The following JAM2 variants were observed in gnomAD, a reference collection of about 807,000 sequenced individuals.
JAM2 encodes the protein junctional adhesion molecule B.
A neutral mutation model predicts 42.0 loss-of-function variants in JAM2; 17 were observed. The ratio of observed to expected loss-of-function variants is 0.40; its 90% CI spans 0.28 to 0.61. The LOEUF is 0.61. JAM2 is among the 20% of genes least tolerant of loss of function. The pLI is 0.37. For missense variants in JAM2, 319 were observed against 358.3 expected (o/e 0.89, Z 0.89); for synonymous variants, 118 against 128.6 (o/e 0.92, Z 0.56).
intron 1 of JAM2, among the ~76,000 whole-genome samples, chr21:25,648,864 G>A (rs1358040067): frequency 1.3e-5 from 2 of 152,138 alleles, no homozygotes; most frequent in Non-Finnish European, 2.9e-5. Context: ...AATTACATAA[G>A]CTGGAATTTA....
At chr21:25,665,720 G>A (rs2033200811) in intron 1 of JAM2, among the ~76,000 whole-genome samples, 1 of 152,192 alleles carries the variant, frequency 6.6e-6, no homozygotes, top group Middle Eastern at 3.4e-3. Flanking sequence ...CCAACATTAC[G>A]GAGGGCAACA....
At chr21:25,675,775 C>T (rs1029508636) in intron 1 of JAM2, among the ~76,000 whole-genome samples, 1 of 152,116 alleles carries the variant, frequency 6.6e-6, no homozygotes, top group African/African-American at 2.4e-5. Context: ...CATCACCCCC[C>T]ACCAGCCCGA....
At chr21:25,703,072 G>A (rs192929025) in intron 6 of JAM2, among the ~76,000 whole-genome samples, 136 of 152,248 alleles carry the variant, frequency 8.9e-4, no homozygotes, top group Non-Finnish European at 1.3e-3. Flanking sequence ...GGCTGCTCTC[G>A]AACTCCTGAC....
At position 25,639,537 on chromosome 21, in the gene JAM2, C is replaced by T; in HGVS notation, c.-285C>T. 1 of 342,834 alleles carries T rather than the reference C, an allele frequency of 2.9e-6. No homozygotes were observed. The allele number at this position is 342,834 out of a possible 1,614,324, so 21.2% of individuals were successfully genotyped here. On this transcript the variant is annotated 5_prime_UTR_variant, in exon 1 of 10. Transcript: ENST00000480456. ...CTGCTGCCCCCTCGCTAGGACCCGG[C>T]GGACGCCTCGTCTGGTTTTCACGCC...
chr21:25,667,031 T>C (rs1457559006), intron 1 of JAM2, among the ~76,000 whole-genome samples: 1 of 152,246 alleles, frequency 6.6e-6, no homozygotes, highest in African/African-American at 2.4e-5. Context: ...CAGTTATCTC[T>C]TAATTAAAAA....
chr21:25,670,360 C>T (rs991984841), intron 1 of JAM2, among the ~76,000 whole-genome samples: 4 of 151,970 alleles, frequency 2.6e-5, no homozygotes, highest in Non-Finnish European at 5.9e-5. Flanking sequence ...GGTATGTGCC[C>T]ACAGTCCCAG....
At chr21:25,665,364 AG>A (rs1023889134) in intron 1 of JAM2, among the ~76,000 whole-genome samples, 3 of 152,238 alleles carry the variant, frequency 2.0e-5, no homozygotes, top group Non-Finnish European at 4.4e-5. Flanking sequence ...CTGTATTGCC[AG>A]ACCTCCAAAG....
chr21:25,668,215 GA>G (rs1212886483), intron 1 of JAM2, among the ~76,000 whole-genome samples: 1 of 152,204 alleles, frequency 6.6e-6, no homozygotes, highest in African/African-American at 2.4e-5. Context: ...CTATGCCAAT[GA>G]AAGAACTTCC....
At chr21:25,692,929 G>T (rs922867652) in intron 3 of JAM2, among the ~76,000 whole-genome samples, 5 of 152,210 alleles carry the variant, frequency 3.3e-5, no homozygotes, top group African/African-American at 9.6e-5. Flanking sequence ...ACCTAAAATG[G>T]CTTGTTAAGG....
rs150183260 is a variant in JAM2 at position 25,648,746 on chromosome 21, C to A, written c.67+8858C>A. ...ACTGAGCTGTACTGTTACAATTTTTCCATGTATATCTCTCTGTATTGTGAG... is the reference window on the plus strand; with the variant it reads ...ACTGAGCTGTACTGTTACAATTTTTACATGTATATCTCTCTGTATTGTGAG... On this transcript the variant is annotated intron_variant, in intron 1 of 9. Transcript: ENST00000480456. Among the ~76,000 whole-genome samples, 740 of 152,224 alleles carry A rather than the reference C, an allele frequency of 4.9e-3. 20 individuals carry two copies. The highest frequency in any genetic ancestry group is 0.039 in the Admixed American group (596 of 15,280).
intron 1 of JAM2, among the ~76,000 whole-genome samples, chr21:25,646,528 A>G (rs2032616199): frequency 6.6e-6 from 1 of 152,002 alleles, no homozygotes; most frequent in Admixed American, 6.6e-5. Context: ...GTGGCCTTCT[A>G]AGTTCCAAAG....
chr21:25,639,727 T>A lies in JAM2; in HGVS notation c.-95T>A. 2.7e-6 allele frequency: 2 copies of A among 753,634 alleles called. No individual in the cohort carries two copies. The highest frequency in any genetic ancestry group is 2.4e-5 in the Admixed American group (1 of 41,540). The allele number at this position is 753,634 out of a possible 1,614,324, so 46.7% of individuals were successfully genotyped here. On this transcript the variant is annotated 5_prime_UTR_variant, in exon 1 of 10. Transcript: ENST00000480456. ...CCTCCCCTCCCGACTCTCTGCTCCT[T>A]TCCCGCCCCAGAAGTTCAAGGGCCC... is the stretch of plus-strand genomic sequence containing the variant.
chr21:25,714,599 G>T, intron 9 of JAM2, 41 bp from the exon 10 acceptor site: 1 of 1,164,498 alleles, frequency 8.6e-7, no homozygotes. Flanking sequence ...CTTTAAATAT[G>T]AATTCATATA....
chr21:25,708,448 G>T (rs1334794602), intron 7 of JAM2, among the ~76,000 whole-genome samples: 2 of 152,118 alleles, frequency 1.3e-5, no homozygotes, highest in Non-Finnish European at 2.9e-5. Flanking sequence ...CACACCTTTA[G>T]TTCCAGCTAC....
intron 2 of JAM2, among the ~76,000 whole-genome samples, chr21:25,688,110 T>C (rs1186797899): frequency 6.6e-6 from 1 of 152,214 alleles, no homozygotes; most frequent in Non-Finnish European, 1.5e-5. Flanking sequence ...ACATTTTACA[T>C]GGCCAGCGAG....
At chr21:25,714,230 G>A in intron 9 of JAM2, 1 of 1,301,562 alleles carries the variant, frequency 7.7e-7, no homozygotes, top group South Asian at 1.2e-5. Flanking sequence ...GTTTTGGCCA[G>A]GTGCAGTGGC....
Position 25,714,497 on chromosome 21 carries a change from C to CA in JAM2, c.865-137dup, listed in dbSNP as rs1381839451. On this transcript the variant is annotated intron_variant, in intron 9 of 9. Transcript: ENST00000480456. Reference sequence around the variant, plus strand: ...TGGGTAACAGAGCAAGATTCCATCTCAAAAAATAAAATAAATAAATAAATA... The same window carrying CA: ...TGGGTAACAGAGCAAGATTCCATCTCAAAAAAATAAAATAAATAAATAAATA... 1.5e-5 allele frequency: 10 copies of CA among 649,396 alleles called. No individual in the cohort carries two copies. In the East Asian group the frequency reaches 2.3e-4, roughly 15 times the overall value. The allele number at this position is 649,396 out of a possible 1,614,324, so 40.2% of individuals were successfully genotyped here.
At chr21:25,653,477 A>G (rs1412348736) in intron 1 of JAM2, among the ~76,000 whole-genome samples, 1 of 152,146 alleles carries the variant, frequency 6.6e-6, no homozygotes, top group East Asian at 1.9e-4. Context: ...GGTTTAATTG[A>G]CTCACAGTTC....
intron 1 of JAM2, among the ~76,000 whole-genome samples, chr21:25,675,178 G>A (rs1056340428): frequency 2.6e-5 from 4 of 152,112 alleles, no homozygotes; most frequent in Non-Finnish European, 5.9e-5. Flanking sequence ...GTGAGCTAGA[G>A]CAAGAGAGAA....
Sources: gnomAD v4.1 joint callset for allele counts (sites outside exome capture counted in the v4.1 genomes callset) on GRCh38, gnomAD v4.1.1 for gene constraint, MANE v1.5 for transcripts, NCBI Gene and HGNC (gene_info 2026-07-23, HGNC 2026-07-21) for gene names.